The following COLEC10 variants were observed in gnomAD, a reference collection of about 807,000 sequenced individuals.
The protein encoded by COLEC10 is collectin-10.
A neutral mutation model predicts 28.4 loss-of-function variants in COLEC10; 22 were observed. That is an observed-to-expected ratio of 0.78 (90% CI 0.55 to 1.11). COLEC10 has a LOEUF of 1.11. Among genes scored for constraint, COLEC10 ranks in the 50% least tolerant of loss-of-function variants. The probability of loss-of-function intolerance (pLI) is 0.00; values close to 1 mark genes in which losing one functional copy is unlikely to be tolerated. For synonymous variants in COLEC10, 125 were observed against 116.1 expected (o/e 1.08, Z -0.49); for missense variants, 361 against 344.1 (o/e 1.05, Z -0.39).
chr8:119,055,364 C>A (rs1199542876), intron 2 of COLEC10, among the ~76,000 whole-genome samples: 4 of 152,052 alleles, frequency 2.6e-5, no homozygotes, highest in Non-Finnish European at 5.9e-5. Context: ...AAAGCGTGCT[C>A]TTTAGTAACT....
At chr8:118,998,389 G>A (rs1186425204) in intron 1 of COLEC10, among the ~76,000 whole-genome samples, 1 of 152,112 alleles carries the variant, frequency 6.6e-6, no homozygotes, top group African/African-American at 2.4e-5. Flanking sequence ...AGGAAATGGA[G>A]TTATTTGGGA....
chr8:118,960,431 G>A, the COLEC10 span, among the ~76,000 whole-genome samples: 1 of 152,128 alleles, frequency 6.6e-6, no homozygotes, highest in Non-Finnish European at 1.5e-5. Context: ...CTGATAGCAA[G>A]GTTATGCAAT....
At chr8:119,037,203 CT>C (rs1814405349) in intron 2 of COLEC10, among the ~76,000 whole-genome samples, 1 of 152,166 alleles carries the variant, frequency 6.6e-6, no homozygotes, top group South Asian at 2.1e-4. Flanking sequence ...AGAATCTATA[CT>C]TTCTTTTGAT....
intron 1 of COLEC10, among the ~76,000 whole-genome samples, chr8:119,076,510 G>A (rs559007444): frequency 1.8e-3 from 275 of 152,208 alleles, no homozygotes; most frequent in Admixed American, 5.2e-3. Flanking sequence ...TGATCCACCC[G>A]CCTAGGCCTC....
intron 2 of COLEC10, among the ~76,000 whole-genome samples, chr8:119,019,477 C>G (rs927889540): frequency 2.0e-5 from 3 of 152,162 alleles, no homozygotes; most frequent in African/African-American, 7.2e-5. Flanking sequence ...CCATGGTCTT[C>G]CGTCTTCCTG....
the COLEC10 span, among the ~76,000 whole-genome samples, chr8:118,965,975 T>C: frequency 6.6e-6 from 1 of 152,078 alleles, no homozygotes; most frequent in Non-Finnish European, 1.5e-5. Context: ...GAAATACTAA[T>C]TTAACATCAA....
chr8:119,036,389 T>C (rs1318974931), intron 2 of COLEC10, among the ~76,000 whole-genome samples: 1 of 152,208 alleles, frequency 6.6e-6, no homozygotes, highest in African/African-American at 2.4e-5. Context: ...AGATGTGCCA[T>C]AATATATTTA....
At chr8:118,972,687 A>G in the COLEC10 span, among the ~76,000 whole-genome samples, 14 of 152,108 alleles carry the variant, frequency 9.2e-5, no homozygotes, top group Middle Eastern at 3.4e-3. Context: ...CATATTCAAT[A>G]CATCTGCAAA....
At chr8:119,063,491 C>T (rs946266843), upstream of COLEC10, among the ~76,000 whole-genome samples, 1 of 152,174 alleles carries the variant, frequency 6.6e-6, no homozygotes, top group Non-Finnish European at 1.5e-5. Context: ...ACTCTCATTT[C>T]TGCCTCAGTC....
the COLEC10 span, among the ~76,000 whole-genome samples, chr8:118,977,366 A>G: frequency 6.7e-6 from 1 of 148,674 alleles, no homozygotes; most frequent in Non-Finnish European, 1.5e-5. Context: ...TCCAACAATG[A>G]TAGACTGGAT....
chr8:118,986,348 C>T, the COLEC10 span, among the ~76,000 whole-genome samples: 3 of 152,086 alleles, frequency 2.0e-5, no homozygotes, highest in African/African-American at 7.2e-5. Context: ...AAAGTTCATT[C>T]ACTGAAGAGT....
intron 1 of COLEC10, among the ~76,000 whole-genome samples, chr8:118,995,938 C>T (rs1254031462): frequency 6.6e-6 from 1 of 151,830 alleles, no homozygotes; most frequent in East Asian, 1.9e-4. Context: ...TTTAGAGGTA[C>T]AGTACAGTAT....
At chr8:119,021,333 T>C (rs1293484524) in intron 2 of COLEC10, among the ~76,000 whole-genome samples, 2 of 152,222 alleles carry the variant, frequency 1.3e-5, no homozygotes, top group East Asian at 1.9e-4. Flanking sequence ...TGTGTAGCAC[T>C]GCAGACTTCA....
upstream of COLEC10, among the ~76,000 whole-genome samples, chr8:118,993,234 G>A (rs1358259592): frequency 6.6e-6 from 1 of 152,164 alleles, no homozygotes; most frequent in Non-Finnish European, 1.5e-5. Context: ...GGAAGTACAA[G>A]AGCAAGATGT....
At chr8:119,071,717 G>C (rs1012189252) in intron 1 of COLEC10, among the ~76,000 whole-genome samples, 12 of 152,152 alleles carry the variant, frequency 7.9e-5, no homozygotes, top group African/African-American at 2.9e-4. Flanking sequence ...AAGGATACCA[G>C]TCCTTCTTGC....
chr8:119,005,030 C>G (rs145902339), intron 1 of COLEC10, among the ~76,000 whole-genome samples: 1 of 151,958 alleles, frequency 6.6e-6, no homozygotes, highest in African/African-American at 2.4e-5. Context: ...GCTCAAAATC[C>G]GTCAATGACA....
Position 119,103,840 on chromosome 8 carries a change from A to C in COLEC10, c.387A>C (p.Gly129=). The C allele has an allele frequency of 1.9e-6, 3 of 1,612,958 alleles. No individual in the cohort carries two copies. The highest frequency in any genetic ancestry group is 2.5e-6 in the Non-Finnish European group (3 of 1,179,184). ...GTGGAAGATACCGGAAATTTGTTGGACAACTGGATATTAGTATTGCTCGGC... is the reference window on the plus strand; with the variant it reads ...GTGGAAGATACCGGAAATTTGTTGGCCAACTGGATATTAGTATTGCTCGGC... ...CDCGRYRKFV[G]QLDISIARLK... is the part of the protein sequence containing the mutation. Residue 129 remains glycine (G), a synonymous_variant, in exon 5 of 6, where the codon GGA becomes GGC. Coordinates refer to ENST00000332843, the MANE Select transcript of COLEC10 (RefSeq NM_006438.5).
intron 1 of COLEC10, chr8:119,067,667 A>T (rs961535383): frequency 2.9e-5 from 12 of 413,290 alleles, no homozygotes; most frequent in Admixed American, 1.2e-4. Flanking sequence ...GATCTGAGGG[A>T]ACTTACCCAG....
At chr8:119,028,730 C>T (rs555862459) in intron 2 of COLEC10, among the ~76,000 whole-genome samples, 2 of 152,250 alleles carry the variant, frequency 1.3e-5, no homozygotes, top group South Asian at 2.1e-4. Flanking sequence ...AATGAAAATG[C>T]TCCATAATCT....
Sources: gnomAD v4.1 joint callset for allele counts (sites outside exome capture counted in the v4.1 genomes callset) on GRCh38, gnomAD v4.1.1 for gene constraint, MANE v1.5 for transcripts, NCBI Gene and HGNC (gene_info 2026-07-23, HGNC 2026-07-21) for gene names.